SAXO1: variants seen among roughly 807,000 people sequenced by gnomAD.
SAXO1 encodes the protein stabilizer of axonemal microtubules 1.
A neutral mutation model predicts 17.5 loss-of-function variants in SAXO1; 21 were observed. That is an observed-to-expected ratio of 1.20 (90% CI 0.85 to 1.72). The LOEUF (loss-of-function observed/expected upper bound fraction) is 1.72. Among genes scored for constraint, SAXO1 ranks in the 40% most tolerant of loss-of-function variants. The probability of loss-of-function intolerance (pLI) is 0.00; values close to 1 mark genes in which losing one functional copy is unlikely to be tolerated. For missense variants in SAXO1, 843 were observed against 596.0 expected (o/e 1.41, Z -4.32); for synonymous variants, 274 against 216.5 (o/e 1.27, Z -2.33).
At chr9:19,026,855 C>G (rs750177374) in intron 1 of SAXO1, 1 of 641,518 alleles carries the variant, frequency 1.6e-6, no homozygotes, top group African/African-American at 1.8e-5. Flanking sequence ...ATGGTGAAAC[C>G]CCATCTCTAC....
At position 18,993,996 on chromosome 9, in the gene SAXO1, A is replaced by T. The variant is rs1207586634; in HGVS notation, c.38+38875T>A. On this transcript the variant is annotated intron_variant, in intron 1 of 3. Transcript: ENST00000380534. ...GCGAACCTACAAAATGAGTTAAACC[A>T]AATCAACTTATCATTTCTGACACTA... Among the ~76,000 whole-genome samples the T allele has an allele frequency of 3.3e-5, 5 of 152,350 alleles. No individual in the cohort carries two copies. The East Asian group carries it at 9.6e-4, about 29-fold the overall frequency.
chr9:19,010,961 T>G (rs975955710), intron 1 of SAXO1, among the ~76,000 whole-genome samples: 1 of 152,194 alleles, frequency 6.6e-6, no homozygotes, highest in African/African-American at 2.4e-5. Flanking sequence ...ATCCCCATTT[T>G]ACACATCAGG....
intron 1 of SAXO1, among the ~76,000 whole-genome samples, chr9:19,031,932 T>G (rs1835792828): frequency 6.6e-6 from 1 of 152,230 alleles, no homozygotes; most frequent in Non-Finnish European, 1.5e-5. Flanking sequence ...TATATGCATG[T>G]GTCATATTTG....
chr9:19,039,803 A>T (rs1836032548), intron 1 of SAXO1, among the ~76,000 whole-genome samples: 1 of 152,130 alleles, frequency 6.6e-6, no homozygotes, highest in Non-Finnish European at 1.5e-5. Flanking sequence ...ATCTCAGCTC[A>T]CTGCAACCTC....
At chr9:18,949,390 G>C (rs1051917827) in intron 2 of SAXO1, among the ~76,000 whole-genome samples, 2 of 151,976 alleles carry the variant, frequency 1.3e-5, no homozygotes, top group African/African-American at 2.4e-5. Flanking sequence ...CCAGAAATTC[G>C]AGGCTGCACT....
chr9:18,989,944 T>C (rs866672282), intron 1 of SAXO1, among the ~76,000 whole-genome samples: 1 of 152,226 alleles, frequency 6.6e-6, no homozygotes, highest in African/African-American at 2.4e-5. Flanking sequence ...TTTTTGAATA[T>C]GCACCACATA....
intron 1 of SAXO1, among the ~76,000 whole-genome samples, chr9:19,044,200 C>A (rs1393489918): frequency 6.6e-6 from 1 of 151,912 alleles, no homozygotes; most frequent in Non-Finnish European, 1.5e-5. Flanking sequence ...GGGATGCATA[C>A]CCCATTTACC....
At chr9:18,958,454 A>G (rs967082330) in intron 1 of SAXO1, among the ~76,000 whole-genome samples, 3 of 152,108 alleles carry the variant, frequency 2.0e-5, no homozygotes, top group Non-Finnish European at 2.9e-5. Flanking sequence ...AGAACTTCTG[A>G]CAAGGACTAA....
intron 1 of SAXO1, among the ~76,000 whole-genome samples, chr9:18,986,369 G>C (rs764010297): frequency 1.2e-4 from 18 of 152,118 alleles, no homozygotes; most frequent in Non-Finnish European, 1.9e-4. Context: ...GGTCCTATTT[G>C]AGTAAAAGTT....
chr9:18,959,545 T>C (rs28689789), intron 1 of SAXO1, among the ~76,000 whole-genome samples: 12,759 of 152,080 alleles, frequency 0.084, 826 homozygotes, highest in African/African-American at 0.19. Flanking sequence ...ACAGGGCCGA[T>C]GGATCACCTG....
At chr9:18,948,073 G>A (rs940826109) in intron 2 of SAXO1, among the ~76,000 whole-genome samples, 2 of 152,212 alleles carry the variant, frequency 1.3e-5, no homozygotes, top group African/African-American at 4.8e-5. Flanking sequence ...GAGCAGAGGG[G>A]TGACGACAAT....
chr9:18,957,906 TATTTA>T (rs1221997470), intron 1 of SAXO1, among the ~76,000 whole-genome samples: 2 of 152,220 alleles, frequency 1.3e-5, no homozygotes, highest in Admixed American at 1.3e-4. Context: ...AAAGTTTTTC[TATTTA>T]ATTTATGATA....
chr9:19,001,937 A>C (rs1393746113), intron 1 of SAXO1, among the ~76,000 whole-genome samples: 1 of 152,184 alleles, frequency 6.6e-6, no homozygotes, highest in African/African-American at 2.4e-5. Flanking sequence ...AACCCTTCAA[A>C]AAAATCAATG....
At chr9:18,938,821 C>CGTGTGTGT (rs67090530) in intron 3 of SAXO1, among the ~76,000 whole-genome samples, 75 of 78,586 alleles carry the variant, frequency 9.5e-4, no homozygotes, top group African/African-American at 3.0e-3. Context: ...TGCGTGCGTG[C>CGTGTGTGT]GTGTGTGTGT....
rs1338959858 is a variant in SAXO1 at position 18,997,720 on chromosome 9, C to G, written c.38+35151G>C. ...GGAGACACTTCCCAGTAGGGGCTGACAGATACTTCATACAGGTGGGTGCCG... is the reference window on the plus strand; with the variant it reads ...GGAGACACTTCCCAGTAGGGGCTGAGAGATACTTCATACAGGTGGGTGCCG... On this transcript the variant is annotated intron_variant, in intron 1 of 3. Coordinates refer to ENST00000380534, the MANE Select transcript of SAXO1 (RefSeq NM_153707.4). 2.0e-5 allele frequency among the ~76,000 whole-genome samples: 3 copies of G among 152,180 alleles called. No homozygotes were observed. The East Asian group carries it at 5.8e-4, about 29-fold the overall frequency.
intron 1 of SAXO1, among the ~76,000 whole-genome samples, chr9:18,980,569 A>G: frequency 7.2e-6 from 1 of 138,346 alleles, no homozygotes. Context: ...GAAGAGGAGG[A>G]GGAGGAGGAG....
intron 1 of SAXO1, among the ~76,000 whole-genome samples, chr9:19,011,274 C>G (rs1258319024): frequency 2.0e-5 from 3 of 152,206 alleles, no homozygotes; most frequent in African/African-American, 7.2e-5. Context: ...ATCAAACTAC[C>G]TGCTGAGGCA....
chr9:19,012,444 G>GA (rs1258193182), intron 1 of SAXO1, among the ~76,000 whole-genome samples: 1 of 152,216 alleles, frequency 6.6e-6, no homozygotes, highest in Non-Finnish European at 1.5e-5. Context: ...GACCTAGAGT[G>GA]AAAAATGCTA....
intron 1 of SAXO1, among the ~76,000 whole-genome samples, chr9:19,016,903 A>G (rs1834997825): frequency 6.9e-6 from 1 of 145,956 alleles, no homozygotes; most frequent in African/African-American, 2.6e-5. Context: ...CCCACCCGCC[A>G]CTACAGAAAC....
Sources: gnomAD v4.1 joint callset for allele counts (sites outside exome capture counted in the v4.1 genomes callset) on GRCh38, gnomAD v4.1.1 for gene constraint, MANE v1.5 for transcripts, NCBI Gene and HGNC (gene_info 2026-07-23, HGNC 2026-07-21) for gene names.